Variants in CTNNA3 observed in about 807,000 individuals in gnomAD.
The protein encoded by CTNNA3 is catenin alpha-3.
Under a neutral mutation model 95.7 loss-of-function variants are expected in CTNNA3, and 76 were observed. That is an observed-to-expected ratio of 0.79 (90% confidence interval 0.66 to 0.96). CTNNA3 has a LOEUF of 0.96. Ranked by LOEUF, CTNNA3 falls within the 40% of genes least tolerant of loss-of-function variation. The pLI is 0.00. For synonymous variants in CTNNA3, 431 were observed against 374.4 expected (o/e 1.15, Z -1.74); for missense variants, 1,191 against 1,089.8 (o/e 1.09, Z -1.31).
intron 7 of CTNNA3, among the ~76,000 whole-genome samples, chr10:66,860,911 C>T (rs1261574773): frequency 6.6e-6 from 1 of 152,272 alleles, no homozygotes; most frequent in Middle Eastern, 3.4e-3. Flanking sequence ...AAATGGCCCA[C>T]CTCATAGCCC....
intron 6 of CTNNA3, among the ~76,000 whole-genome samples, chr10:67,197,774 C>T (rs1255110087): frequency 6.6e-6 from 1 of 151,918 alleles, no homozygotes; most frequent in Non-Finnish European, 1.5e-5. Context: ...GAAATTAACT[C>T]AAATGTTTCT....
intron 5 of CTNNA3, among the ~76,000 whole-genome samples, chr10:67,325,398 C>G (rs1213706498): frequency 6.6e-6 from 1 of 152,124 alleles, no homozygotes; most frequent in Admixed American, 6.6e-5. Context: ...TTTAACACTG[C>G]CTTAGCTGTG....
chr10:66,548,267 AT>A (rs1842100307), intron 10 of CTNNA3, among the ~76,000 whole-genome samples: 1 of 152,110 alleles, frequency 6.6e-6, no homozygotes, highest in Admixed American at 6.5e-5. Flanking sequence ...ATAAAACTTC[AT>A]TGCTTATATC....
chr10:67,706,957 T>G (rs1334116751), intron 1 of CTNNA3, among the ~76,000 whole-genome samples: 1 of 152,196 alleles, frequency 6.6e-6, no homozygotes. Context: ...CCTATTTTTC[T>G]CTGACATTCA....
chr10:67,242,136 A>C (rs1049112522), intron 5 of CTNNA3, among the ~76,000 whole-genome samples: 6 of 152,224 alleles, frequency 3.9e-5, no homozygotes, highest in African/African-American at 1.2e-4. Context: ...TAACTAATAC[A>C]ACTAAGTTAG....
chr10:66,837,535 T>C (rs775565436), intron 7 of CTNNA3: 2 of 152,144 alleles, frequency 1.3e-5, no homozygotes. Context: ...GTCTCTCTTG[T>C]TGTTGGACCA....
intron 10 of CTNNA3, among the ~76,000 whole-genome samples, chr10:66,594,059 G>A (rs896849976): frequency 6.6e-6 from 1 of 151,908 alleles, no homozygotes; most frequent in African/African-American, 2.4e-5. Context: ...CTTCCATTTG[G>A]GTATCTGAAA....
intron 11 of CTNNA3, among the ~76,000 whole-genome samples, chr10:66,409,712 A>G (rs1176847243): frequency 6.6e-6 from 1 of 152,222 alleles, no homozygotes; most frequent in Non-Finnish European, 1.5e-5. Context: ...TTTATGTATT[A>G]AACACAAAAC....
intron 7 of CTNNA3, among the ~76,000 whole-genome samples, chr10:66,850,252 G>A (rs1195683311): frequency 6.6e-6 from 1 of 152,072 alleles, no homozygotes; most frequent in Non-Finnish European, 1.5e-5. Flanking sequence ...ATTTCACAGA[G>A]TATCAGTTTT....
At chr10:66,107,818 A>C (rs765797114) in intron 13 of CTNNA3, among the ~76,000 whole-genome samples, 2 of 152,136 alleles carry the variant, frequency 1.3e-5, no homozygotes, top group Admixed American at 6.5e-5. Flanking sequence ...GAGAGAAAAA[A>C]ACACAGGAAG....
chr10:66,533,423 G>A (rs576044666), intron 10 of CTNNA3, among the ~76,000 whole-genome samples: 31 of 152,102 alleles, frequency 2.0e-4, no homozygotes, highest in African/African-American at 5.8e-4. Context: ...CTGGATTGTC[G>A]TGGGTATTTA....
intron 9 of CTNNA3, among the ~76,000 whole-genome samples, chr10:66,660,361 T>C (rs1846220682): frequency 6.6e-6 from 1 of 152,192 alleles, no homozygotes; most frequent in African/African-American, 2.4e-5. Flanking sequence ...GCAGATAAGA[T>C]AGCCTAATTT....
At chr10:66,386,171 G>C (rs12785128) in intron 11 of CTNNA3, among the ~76,000 whole-genome samples, 20,023 of 152,236 alleles carry the variant, frequency 0.13, 1,645 homozygotes, top group Middle Eastern at 0.21. Context: ...GTTTGCATAT[G>C]AGATGATTGT....
chr10:66,522,668 C>G (rs149192482), intron 10 of CTNNA3, among the ~76,000 whole-genome samples: 1 of 151,938 alleles, frequency 6.6e-6, no homozygotes, highest in East Asian at 1.9e-4. Context: ...ATTACCCAGT[C>G]TCAGTTCTGT....
At chr10:66,602,222 G>T (rs1453683091) in intron 10 of CTNNA3, among the ~76,000 whole-genome samples, 1 of 151,814 alleles carries the variant, frequency 6.6e-6, no homozygotes, top group Non-Finnish European at 1.5e-5. Context: ...GAAATAGTCA[G>T]ACATTCTCCA....
At chr10:66,669,310 G>A (rs540223249) in intron 9 of CTNNA3, among the ~76,000 whole-genome samples, 135 of 152,178 alleles carry the variant, frequency 8.9e-4, no homozygotes, top group African/African-American at 3.1e-3. Context: ...TTGGGAGGCC[G>A]AGGCTGATGG....
chr10:67,510,826 G>A (rs1472179494), intron 5 of CTNNA3, among the ~76,000 whole-genome samples: 1 of 152,174 alleles, frequency 6.6e-6, no homozygotes, highest in Non-Finnish European at 1.5e-5. Flanking sequence ...CTATCCATGA[G>A]CATGGAATGT....
intron 1 of CTNNA3, among the ~76,000 whole-genome samples, chr10:67,745,319 C>G (rs530915451): frequency 6.6e-6 from 1 of 151,972 alleles, no homozygotes; most frequent in Admixed American, 6.6e-5. Context: ...CCATGGAATA[C>G]CATGCAGCCA....
intron 3 of CTNNA3, among the ~76,000 whole-genome samples, chr10:67,551,227 G>A (rs779849247): frequency 2.2e-4 from 34 of 152,290 alleles, no homozygotes; most frequent in Middle Eastern, 3.4e-3. Context: ...AACATTGAGA[G>A]GGCGTCGAGA....
Sources: gnomAD v4.1 joint callset for allele counts (sites outside exome capture counted in the v4.1 genomes callset) on GRCh38, gnomAD v4.1.1 for gene constraint, MANE v1.5 for transcripts, NCBI Gene and HGNC (gene_info 2026-07-23, HGNC 2026-07-21) for gene names.